ATP2B2: variants seen among roughly 807,000 people sequenced by gnomAD.
ATP2B2 encodes plasma membrane calcium-transporting ATPase 2.
In ATP2B2, 15 loss-of-function variants were observed where a neutral mutation model predicts 120.0. The observed-to-expected ratio is 0.12, with a 90% confidence interval of 0.08 to 0.19. The LOEUF is 0.19. Among genes scored for constraint, ATP2B2 ranks in the 10% least tolerant of loss-of-function variants. The pLI, the probability that ATP2B2 is intolerant of heterozygous loss-of-function variation, is 1.00. For synonymous variants in ATP2B2, 694 were observed against 700.3 expected, an observed-to-expected ratio of 0.99 and a Z score of 0.14; for missense variants, 1,045 against 1,719.8, an observed-to-expected ratio of 0.61 and a Z score of 6.94.
intron 22 of ATP2B2, chr3:10,332,069 A>T (rs941790762): frequency 1.3e-6 from 2 of 1,542,850 alleles, no homozygotes; most frequent in African/African-American, 2.7e-5. Context: ...ATATTCAGAC[A>T]GTGGAGAGGT....
Position 10,338,361 on chromosome 3 carries a change from G to GC in ATP2B2, c.3238-4dup, listed in dbSNP as rs2060184242. ...CTGGTCGGGATGGTGGCGATGACCT[G>GC]CAAGGGACCCTGTCTGTCAGGACGG... On this transcript the variant is annotated splice_polypyrimidine_tract_variant and splice_region_variant and intron_variant, in intron 21 of 22. Transcript: ENST00000360273. 6.2e-7 allele frequency: 1 copy of GC among 1,613,982 alleles called. No individual in the cohort carries two copies. The highest frequency in any genetic ancestry group is 1.3e-5 in the African/African-American group (1 of 74,914).
chr3:10,610,975 A>G (rs6803645), intron 2 of ATP2B2, among the ~76,000 whole-genome samples: 58,030 of 152,168 alleles, frequency 0.38, 13,897 homozygotes, highest in Middle Eastern at 0.59. Flanking sequence ...GCTCGCTGAC[A>G]GTCCCTCTCA....
chr3:10,706,420 T>C lies in ATP2B2; in HGVS notation c.-460+1495A>G, dbSNP rs578246758. 9.9e-5 allele frequency among the ~76,000 whole-genome samples: 15 copies of C among 152,284 alleles called. No individual in the cohort carries two copies. The East Asian group carries it at 2.9e-3, about 29-fold the overall frequency. ...CCGTTAGACATCAGGTATTGGTTTC[T>C]CCCATGGCAGCAGCAGGAAATCACA... On this transcript the variant is annotated intron_variant, in intron 1 of 21. Coordinates refer to the ATP2B2 transcript ENST00000646379.
intron 1 of ATP2B2, among the ~76,000 whole-genome samples, chr3:10,673,027 A>T (rs2071149912): frequency 6.6e-6 from 1 of 152,018 alleles, no homozygotes; most frequent in South Asian, 2.1e-4. Flanking sequence ...ACCTGGGTGC[A>T]TTTTCTCCTT....
chr3:10,583,667 G>A (rs931899171), intron 2 of ATP2B2, among the ~76,000 whole-genome samples: 5 of 152,210 alleles, frequency 3.3e-5, no homozygotes, highest in African/African-American at 1.2e-4. Context: ...AATCCCTGCT[G>A]TGAGGGAATT....
chr3:10,649,857 C>T (rs13326870), intron 1 of ATP2B2, among the ~76,000 whole-genome samples: 46,705 of 152,200 alleles, frequency 0.31, 10,706 homozygotes, highest in African/African-American at 0.64. Context: ...CTCTCTTCTC[C>T]TGTGTACCAC....
chr3:10,548,885 T>C (rs2067607527), intron 2 of ATP2B2, among the ~76,000 whole-genome samples: 1 of 152,212 alleles, frequency 6.6e-6, no homozygotes, highest in South Asian at 2.1e-4. Flanking sequence ...CCCAGGCTTG[T>C]TTAGCCTCAG....
At chr3:10,632,343 G>A (rs1210788350) in intron 1 of ATP2B2, among the ~76,000 whole-genome samples, 3 of 152,182 alleles carry the variant, frequency 2.0e-5, no homozygotes, top group East Asian at 3.8e-4. Flanking sequence ...CCGTTTTCAC[G>A]CAGCATGACA....
intron 3 of ATP2B2, among the ~76,000 whole-genome samples, chr3:10,510,824 A>G (rs903549367): frequency 1.3e-5 from 2 of 152,170 alleles, no homozygotes; most frequent in African/African-American, 4.8e-5. Context: ...CCTCAGAGCT[A>G]ATACCTCCTT....
intron 2 of ATP2B2, among the ~76,000 whole-genome samples, chr3:10,437,092 T>A (rs1007040653): frequency 1.1e-4 from 16 of 152,288 alleles, no homozygotes; most frequent in African/African-American, 3.9e-4. Context: ...CTTGTCTTCT[T>A]TTCCCCTTTA....
At chr3:10,464,573 T>A (rs2064653186) in intron 1 of ATP2B2, among the ~76,000 whole-genome samples, 1 of 152,076 alleles carries the variant, frequency 6.6e-6, no homozygotes, top group African/African-American at 2.4e-5. Context: ...ACCTTATCCA[T>A]CTCAGGGTCC....
chr3:10,701,654 T>C (rs76371510), intron 1 of ATP2B2, among the ~76,000 whole-genome samples: 4,317 of 152,148 alleles, frequency 0.028, 118 homozygotes, highest in East Asian at 0.092. Context: ...TCATTTCTTT[T>C]GTTTGCAACT....
At chr3:10,626,280 C>T (rs2069696489) in intron 1 of ATP2B2, 1 of 152,212 alleles carries the variant, frequency 6.6e-6, no homozygotes, top group African/African-American at 2.4e-5. Flanking sequence ...GTTGGGGACT[C>T]CGGCCTTTTT....
chr3:10,424,750 G>C (rs146640068), intron 2 of ATP2B2, among the ~76,000 whole-genome samples: 1 of 152,138 alleles, frequency 6.6e-6, no homozygotes, highest in African/African-American at 2.4e-5. Flanking sequence ...TAACATAGAA[G>C]ACTCTCCAAG....
chr3:10,703,446 G>A (rs755088607), intron 1 of ATP2B2, among the ~76,000 whole-genome samples: 1 of 152,132 alleles, frequency 6.6e-6, no homozygotes, highest in Admixed American at 6.5e-5. Context: ...TTCTATTAGG[G>A]AGAAAATTTA....
chr3:10,687,598 T>C (rs1180061187), intron 1 of ATP2B2, among the ~76,000 whole-genome samples: 2 of 152,206 alleles, frequency 1.3e-5, no homozygotes, highest in African/African-American at 2.4e-5. Flanking sequence ...AGGTGGCTCA[T>C]GCCTGTAATC....
In ATP2B2 at chr3:10,696,521, C is replaced by T. The variant is rs141386125; in HGVS notation, c.-460+11394G>A. 1.7e-3 allele frequency among the ~76,000 whole-genome samples: 258 copies of T among 152,290 alleles called. 6 individuals are homozygous for T. In the East Asian group the frequency reaches 0.042, roughly 25 times the overall value. On this transcript the variant is annotated intron_variant, in intron 1 of 21. Coordinates refer to the ATP2B2 transcript ENST00000646379. ...CCGTGCCCACCTCCAAATGGCCTGG[C>T]GCAGGGTTTCCGCAGCTGCCTGGAC... is the stretch of plus-strand genomic sequence containing the variant.
intron 1 of ATP2B2, among the ~76,000 whole-genome samples, chr3:10,667,955 T>C (rs1415982056): frequency 2.0e-5 from 3 of 152,176 alleles, no homozygotes; most frequent in African/African-American, 7.2e-5. Flanking sequence ...AGGGCTGTTG[T>C]TTCCTTTCTA....
intron 2 of ATP2B2, among the ~76,000 whole-genome samples, chr3:10,437,455 C>G (rs556207395): frequency 1.3e-5 from 2 of 152,286 alleles, no homozygotes; most frequent in South Asian, 2.1e-4. Flanking sequence ...TAGTGGGTGG[C>G]AAAGCTGGGG....
Sources: gnomAD v4.1 joint callset for allele counts (sites outside exome capture counted in the v4.1 genomes callset) on GRCh38, gnomAD v4.1.1 for gene constraint, MANE v1.5 for transcripts, NCBI Gene and HGNC (gene_info 2026-07-23, HGNC 2026-07-21) for gene names.